Variants in GALNT13 observed in about 807,000 individuals in gnomAD.
The protein encoded by GALNT13 is polypeptide N-acetylgalactosaminyltransferase 13.
GALNT13 carries 28 observed loss-of-function variants against 64.2 expected under a neutral mutation model. That is an observed-to-expected ratio of 0.44 (90% CI 0.32 to 0.60). The LOEUF is 0.60. Among genes scored for constraint, GALNT13 ranks in the 20% least tolerant of loss-of-function variants. GALNT13 has a pLI of 0.05. For synonymous variants in GALNT13, 214 were observed against 224.6 expected (o/e 0.95, Z 0.42); for missense variants, 577 against 669.8 (o/e 0.86, Z 1.53).
the GALNT13 span, among the ~76,000 whole-genome samples, chr2:153,724,395 G>T: frequency 2.6e-4 from 32 of 121,508 alleles, 1 homozygote; most frequent in Non-Finnish European, 6.4e-5. Flanking sequence ...ATAGGCGTGG[G>T]CAAGGACTTC....
chr2:153,139,749 G>A, the GALNT13 span, among the ~76,000 whole-genome samples: 3 of 152,010 alleles, frequency 2.0e-5, no homozygotes, highest in African/African-American at 7.2e-5. Context: ...GCCAGGGAGA[G>A]GGGGGATAAT....
At chr2:154,423,949 C>G (rs1462270929) in intron 11 of GALNT13, among the ~76,000 whole-genome samples, 1 of 152,110 alleles carries the variant, frequency 6.6e-6, no homozygotes, top group African/African-American at 2.4e-5. Context: ...TTGAGGTCTT[C>G]CACCCCCAAC....
At chr2:153,300,229 G>C in the GALNT13 span, among the ~76,000 whole-genome samples, 54,526 of 152,050 alleles carry the variant, frequency 0.36, 10,003 homozygotes, top group Middle Eastern at 0.48. Context: ...AATTAACATG[G>C]GTAGGTTCCC....
chr2:153,754,644 G>C, the GALNT13 span, among the ~76,000 whole-genome samples: 1 of 152,058 alleles, frequency 6.6e-6, no homozygotes, highest in African/African-American at 2.4e-5. Flanking sequence ...GTGCAGCCTG[G>C]GGTTAAAGGA....
At chr2:153,093,683 T>C in the GALNT13 span, among the ~76,000 whole-genome samples, 1 of 152,314 alleles carries the variant, frequency 6.6e-6, no homozygotes, top group South Asian at 2.1e-4. Context: ...AGGGTAATAT[T>C]GGCCTCACAG....
chr2:153,377,883 A>C, the GALNT13 span, among the ~76,000 whole-genome samples: 1 of 152,172 alleles, frequency 6.6e-6, no homozygotes, highest in Non-Finnish European at 1.5e-5. Context: ...AGATGCATGC[A>C]AATTACTTTT....
the GALNT13 span, among the ~76,000 whole-genome samples, chr2:153,440,018 T>C: frequency 5.5e-4 from 83 of 152,260 alleles, no homozygotes; most frequent in Admixed American, 9.2e-4. Flanking sequence ...GTTTGTTACA[T>C]AGTATACACT....
At chr2:153,308,308 T>A in the GALNT13 span, among the ~76,000 whole-genome samples, 4 of 152,308 alleles carry the variant, frequency 2.6e-5, no homozygotes, top group South Asian at 8.3e-4. Context: ...GAATTTAACC[T>A]GACCTTGTCC....
At chr2:153,508,941 A>G in the GALNT13 span, among the ~76,000 whole-genome samples, 4 of 152,180 alleles carry the variant, frequency 2.6e-5, no homozygotes, top group Admixed American at 6.5e-5. Context: ...CTGAGCCGTT[A>G]GCCCTATCAC....
At chr2:153,989,641 C>T (rs1402533072) in intron 3 of GALNT13, among the ~76,000 whole-genome samples, 3 of 151,906 alleles carry the variant, frequency 2.0e-5, no homozygotes, top group South Asian at 4.1e-4. Context: ...AGGCACAGGG[C>T]AATTCCAGGG....
intron 11 of GALNT13, among the ~76,000 whole-genome samples, chr2:154,420,290 C>G (rs1166357219): frequency 6.6e-6 from 1 of 152,068 alleles, no homozygotes. Flanking sequence ...CAATTTGTCT[C>G]CTCTAAAGCT....
intron 1 of GALNT13, among the ~76,000 whole-genome samples, chr2:153,893,596 T>C (rs1687698119): frequency 7.0e-6 from 1 of 142,280 alleles, no homozygotes; most frequent in Admixed American, 7.0e-5. Context: ...GTAAATTATG[T>C]CATTATTTAC....
intron 4 of GALNT13, among the ~76,000 whole-genome samples, chr2:154,177,031 T>G (rs992838435): frequency 1.3e-5 from 2 of 152,160 alleles, no homozygotes; most frequent in Non-Finnish European, 2.9e-5. Context: ...TGGAGGAGTA[T>G]GGCTAAGGAA....
the GALNT13 span, among the ~76,000 whole-genome samples, chr2:153,418,173 G>A: frequency 7.2e-5 from 11 of 152,146 alleles, no homozygotes; most frequent in African/African-American, 2.7e-4. Flanking sequence ...AGACAGAGAT[G>A]TGATGACAGA....
chr2:153,753,094 C>G, the GALNT13 span, among the ~76,000 whole-genome samples: 1 of 152,024 alleles, frequency 6.6e-6, no homozygotes, highest in African/African-American at 2.4e-5. Context: ...CTGCTTGTTT[C>G]CTGTTAATTA....
At chr2:153,708,145 G>T in the GALNT13 span, among the ~76,000 whole-genome samples, 6 of 151,748 alleles carry the variant, frequency 4.0e-5, no homozygotes, top group Non-Finnish European at 5.9e-5. Context: ...CCCACCTTTG[G>T]CAATCTTCAT....
At chr2:153,999,982 C>T (rs1028077784) in intron 3 of GALNT13, among the ~76,000 whole-genome samples, 1 of 151,888 alleles carries the variant, frequency 6.6e-6, no homozygotes, top group Non-Finnish European at 1.5e-5. Flanking sequence ...TTTCAGACTG[C>T]CCCAATCTTG....
At chr2:154,305,235 GA>G (rs1693664728) in intron 9 of GALNT13, among the ~76,000 whole-genome samples, 1 of 151,914 alleles carries the variant, frequency 6.6e-6, no homozygotes, top group South Asian at 2.1e-4. Context: ...CTATCCTCTG[GA>G]ATTTTTGATT....
chr2:154,326,192 C>T (rs189274506), intron 9 of GALNT13, among the ~76,000 whole-genome samples: 1 of 152,148 alleles, frequency 6.6e-6, no homozygotes, highest in Non-Finnish European at 1.5e-5. Flanking sequence ...TTTTTATCTG[C>T]TCTGGTTGGC....
Sources: gnomAD v4.1 joint callset for allele counts (sites outside exome capture counted in the v4.1 genomes callset) on GRCh38, gnomAD v4.1.1 for gene constraint, MANE v1.5 for transcripts, NCBI Gene and HGNC (gene_info 2026-07-23, HGNC 2026-07-21) for gene names.